Variants in PLCB4 observed in about 807,000 individuals in gnomAD.
The protein encoded by PLCB4 is phospholipase C beta 4, also known as 1-phosphatidylinositol 4,5-bisphosphate phosphodiesterase beta-4.
A neutral mutation model predicts 178.8 loss-of-function variants in PLCB4; 77 were observed. The observed-to-expected ratio is 0.43, with a 90% CI of 0.36 to 0.52. The LOEUF (loss-of-function observed/expected upper bound fraction) is 0.52. Among genes scored for constraint, PLCB4 ranks in the 20% least tolerant of loss-of-function variants. The probability of loss-of-function intolerance (pLI) is 0.00; values close to 1 mark genes in which losing one functional copy is unlikely to be tolerated. For synonymous variants in PLCB4, 496 were observed against 490.8 expected, an observed-to-expected ratio of 1.01 and a Z score of -0.14; for missense variants, 1,024 against 1,453.4, an observed-to-expected ratio of 0.70 and a Z score of 4.80.
chr20:9,348,509 A>G (rs897182001), intron 7 of PLCB4, among the ~76,000 whole-genome samples: 3 of 152,054 alleles, frequency 2.0e-5, no homozygotes, highest in Non-Finnish European at 4.4e-5. Context: ...ATGACCTGCT[A>G]TGGGTGATGC....
chr20:9,156,981 C>A lies in PLCB4; in HGVS notation c.-78-60409C>A, dbSNP rs1029848444. 2.6e-5 allele frequency among the ~76,000 whole-genome samples: 4 copies of A among 151,740 alleles called. 1 individual carries two copies. The South Asian group carries it at 8.4e-4, about 32-fold the overall frequency. ...GCCTTATTATCCCCCAGAGAGCAGA[C>A]ACGGAGCTTGGCTGGACCTCACGGA... is the stretch of plus-strand genomic sequence containing the variant. On this transcript the variant is annotated intron_variant, in intron 2 of 39. Transcript: ENST00000378473.
At chr20:9,452,673 G>A (rs2042837246) in intron 32 of PLCB4, among the ~76,000 whole-genome samples, 1 of 152,136 alleles carries the variant, frequency 6.6e-6, no homozygotes, top group South Asian at 2.1e-4. Context: ...AATTTCAATG[G>A]TTACGTGAAG....
rs60592661 is a variant in PLCB4 at position 9,227,609 on chromosome 20, C to T, written c.-16+10157C>T. ...TCCAAGATTGAATCATCTTGGCACCCTTGTCAGGAGTCTATTGGCTGTAGA... is the reference window on the plus strand; with the variant it reads ...TCCAAGATTGAATCATCTTGGCACCTTTGTCAGGAGTCTATTGGCTGTAGA... On this transcript the variant is annotated intron_variant, in intron 3 of 39. Transcript: ENST00000378473. 2.9e-3 allele frequency among the ~76,000 whole-genome samples: 441 copies of T among 152,184 alleles called. 2 individuals are homozygous for T. Among genetic ancestry groups the T allele is most frequent in the African/African-American group, 0.01 (423 of 41,534 alleles).
At chr20:9,251,943 G>A (rs1438510094) in intron 3 of PLCB4, among the ~76,000 whole-genome samples, 1 of 151,992 alleles carries the variant, frequency 6.6e-6, no homozygotes, top group Non-Finnish European at 1.5e-5. Context: ...AATTGTCAGC[G>A]AGATATTTTA....
chr20:9,156,850 TC>T (rs1391230785), intron 2 of PLCB4, among the ~76,000 whole-genome samples: 40 of 58,350 alleles, frequency 6.9e-4, no homozygotes, highest in African/African-American at 9.5e-4. Flanking sequence ...CCTCCCTCCC[TC>T]CCTTCCTTCC....
chr20:9,128,467 A>T (rs1417326458), intron 2 of PLCB4, among the ~76,000 whole-genome samples: 3 of 152,142 alleles, frequency 2.0e-5, no homozygotes, highest in Non-Finnish European at 4.4e-5. Flanking sequence ...CCCAGGCTGG[A>T]GTGCAGTGGC....
At chr20:9,194,632 G>T (rs934575311) in intron 2 of PLCB4, among the ~76,000 whole-genome samples, 15 of 147,782 alleles carry the variant, frequency 1.0e-4, no homozygotes, top group Admixed American at 6.2e-4. Flanking sequence ...GGCGGAGCTT[G>T]CAGTGAGTGG....
At chr20:9,266,432 G>A (rs2094349978) in intron 3 of PLCB4, among the ~76,000 whole-genome samples, 1 of 152,154 alleles carries the variant, frequency 6.6e-6, no homozygotes, top group South Asian at 2.1e-4. Context: ...AAACATTACT[G>A]TGAGGTGTCC....
chr20:9,348,327 G>A (rs138679701), intron 7 of PLCB4, among the ~76,000 whole-genome samples: 2 of 152,332 alleles, frequency 1.3e-5, no homozygotes, highest in Non-Finnish European at 2.9e-5. Context: ...CAGAGGTTTT[G>A]TTCCTGGGTA....
At chr20:9,108,658 C>G (rs771905716) in intron 2 of PLCB4, among the ~76,000 whole-genome samples, 2 of 146,734 alleles carry the variant, frequency 1.4e-5, no homozygotes, top group East Asian at 2.0e-4. Context: ...TTCAAGAATG[C>G]CAAATATATT....
At chr20:9,309,003 ATTTG>A (rs971043222) in intron 4 of PLCB4, among the ~76,000 whole-genome samples, 2 of 151,970 alleles carry the variant, frequency 1.3e-5, no homozygotes, top group African/African-American at 4.8e-5. Flanking sequence ...CTTTTTTCAT[ATTTG>A]TTTTTCTTTT....
At chr20:9,126,040 A>C (rs541543289) in intron 2 of PLCB4, among the ~76,000 whole-genome samples, 1 of 152,114 alleles carries the variant, frequency 6.6e-6, no homozygotes, top group Non-Finnish European at 1.5e-5. Flanking sequence ...GTGTGTGTGT[A>C]AAAGTAAAGA....
chr20:9,399,615 T>C (rs1407115585), intron 19 of PLCB4, among the ~76,000 whole-genome samples: 5 of 152,192 alleles, frequency 3.3e-5, no homozygotes, highest in Admixed American at 3.3e-4. Context: ...AGGAGACAAG[T>C]AGTGGAGAAT....
At chr20:9,207,009 G>A (rs979867859) in intron 2 of PLCB4, among the ~76,000 whole-genome samples, 12 of 152,048 alleles carry the variant, frequency 7.9e-5, no homozygotes, top group Admixed American at 3.3e-4. Flanking sequence ...CCAGCTACTC[G>A]GGAGGCTGAG....
chr20:9,413,049 T>C (rs1417319269), intron 25 of PLCB4, among the ~76,000 whole-genome samples: 2 of 152,224 alleles, frequency 1.3e-5, no homozygotes, highest in African/African-American at 4.8e-5. Flanking sequence ...TTGTGATCAA[T>C]CACACACACA....
intron 3 of PLCB4, among the ~76,000 whole-genome samples, chr20:9,227,254 A>G (rs2093878243): frequency 6.6e-6 from 1 of 151,348 alleles, no homozygotes; most frequent in Admixed American, 6.6e-5. Flanking sequence ...CATTCTGTAG[A>G]CTGTCTTTTC....
chr20:9,110,263 G>T (rs1192420010), intron 2 of PLCB4, among the ~76,000 whole-genome samples: 1 of 151,664 alleles, frequency 6.6e-6, no homozygotes, highest in Non-Finnish European at 1.5e-5. Context: ...ATATATTTTT[G>T]ATGGAAAATA....
rs112935069 is a variant in PLCB4 at position 9,434,193 on chromosome 20, A to G, written c.2525-1367A>G. Among the ~76,000 whole-genome samples, 892 of 152,318 alleles carry G rather than the reference A, an allele frequency of 5.9e-3. 10 individuals carry two copies. The highest frequency in any genetic ancestry group is 0.02 in the African/African-American group (841 of 41,564). On this transcript the variant is annotated intron_variant, in intron 28 of 39. Transcript: ENST00000378473. ...GAGAATGTTTCCCAAGATATTTGAC[A>G]TTAAAAAATGGTGCAGAAAACTATG...
intron 17 of PLCB4, among the ~76,000 whole-genome samples, chr20:9,393,365 C>T (rs2033346964): frequency 6.6e-6 from 1 of 152,196 alleles, no homozygotes; most frequent in African/African-American, 2.4e-5. Context: ...CTCTGCACAC[C>T]TCTGGAAACT....
Sources: allele counts gnomAD v4.1 joint callset (sites outside exome capture counted in the v4.1 genomes callset), GRCh38; gene constraint gnomAD v4.1.1; transcripts MANE v1.5; gene names NCBI Gene and HGNC (gene_info 2026-07-23, HGNC 2026-07-21).